AVPI1: variants seen among roughly 807,000 people sequenced by gnomAD.
The protein encoded by AVPI1 is arginine vasopressin induced 1.
In AVPI1, 9 loss-of-function variants were observed where a neutral mutation model predicts 11.9. The observed-to-expected ratio is 0.76, with a 90% CI of 0.46 to 1.32. The LOEUF (loss-of-function observed/expected upper bound fraction) is 1.32. Ranked by LOEUF, AVPI1 falls within the 40% of genes most tolerant of loss-of-function variation. The pLI, the probability that AVPI1 is intolerant of heterozygous loss-of-function variation, is 0.00. For missense variants in AVPI1, 207 were observed against 195.8 expected, an observed-to-expected ratio of 1.06 and a Z score of -0.34; for synonymous variants, 68 against 78.1, an observed-to-expected ratio of 0.87 and a Z score of 0.68.
chr10:97,678,946 T>TCGCC lies in AVPI1; in HGVS notation c.287+672_287+673insGGCG, dbSNP rs1564779873. Among the ~76,000 whole-genome samples, 9 of 43,186 alleles carry TCGCC rather than the reference T, an allele frequency of 2.1e-4. 1 individual carries two copies. The highest frequency in any genetic ancestry group is 2.0e-3 in the Admixed American group (7 of 3,558). The allele number at this position is 43,186 out of a possible 152,430, so 28.3% of individuals were successfully genotyped here. ...GTGTGTGTGTGTGTGTGTGTGTGTG[T>TCGCC]GTGTGTGTGTGTGTGTGTGTGTGTG... On this transcript the variant is annotated intron_variant, in intron 2 of 2. Coordinates refer to ENST00000370626, the MANE Select transcript of AVPI1 (RefSeq NM_021732.3).
rs2041683727 is a variant in AVPI1 at position 97,678,922 on chromosome 10, TGTGTGTGTGTGTGTGTG to T, written c.287+680_287+696del. Among the ~76,000 whole-genome samples the T allele has an allele frequency of 1.2e-3, 20 of 17,278 alleles. 4 individuals carry two copies. The highest frequency in any genetic ancestry group is 7.2e-3 in the East Asian group (7 of 978). 11.3% of individuals were successfully genotyped at this position (17,278 alleles called of 152,430 possible). ...GTGTGTGTGTGTGTGTGTGTGTGTG[TGTGTGTGTGTGTGTGTG>T]TGTGTGTGTGTGTGTGTGTGTGTGT... On this transcript the variant is annotated intron_variant, in intron 2 of 2. Coordinates refer to ENST00000370626, the MANE Select transcript of AVPI1 (RefSeq NM_021732.3).
intron 1 of AVPI1, among the ~76,000 whole-genome samples, chr10:97,681,416 C>G (rs1195850548): frequency 6.6e-6 from 1 of 151,814 alleles, no homozygotes; most frequent in African/African-American, 2.4e-5. Flanking sequence ...AACTCCGTCT[C>G]TACTAAAAAT....
At chr10:97,685,252 A>G (rs2041723133) in intron 1 of AVPI1, among the ~76,000 whole-genome samples, 1 of 152,266 alleles carries the variant, frequency 6.6e-6, no homozygotes, top group Admixed American at 6.5e-5. Context: ...TGAAAATGAC[A>G]AAGTTCAACT....
At chr10:97,684,439 T>G (rs1214109847) in intron 1 of AVPI1, among the ~76,000 whole-genome samples, 1 of 151,368 alleles carries the variant, frequency 6.6e-6, no homozygotes, top group African/African-American at 2.4e-5. Context: ...TCAACCCTCC[T>G]TGAACCTTAG....
chr10:97,678,108 A>G, intron 2 of AVPI1, 83 bp from the exon 3 acceptor site: 1 of 1,447,054 alleles, frequency 6.9e-7, no homozygotes, highest in Non-Finnish European at 9.5e-7. Context: ...ATGGTGGACC[A>G]TAAAACATAT....
chr10:97,683,059 C>T (rs1437454636), intron 1 of AVPI1, among the ~76,000 whole-genome samples: 3 of 152,210 alleles, frequency 2.0e-5, no homozygotes, highest in Admixed American at 2.0e-4. Context: ...ACTGTTATCC[C>T]ATTTCACAGG....
At chr10:97,681,945 A>G (rs112362210) in intron 1 of AVPI1, among the ~76,000 whole-genome samples, 1 of 152,044 alleles carries the variant, frequency 6.6e-6, no homozygotes, top group Non-Finnish European at 1.5e-5. Flanking sequence ...CAATTAAAAA[A>G]TACAAATAAA....
chr10:97,679,684 C>T lies in AVPI1; in HGVS notation c.222G>A (p.Leu74=). ...DHRVAEALKR[L]RRKRPPRQKP... is the part of the protein sequence containing the mutation. ...TCTGCCTTGGGGGCCTCTTCCTGCG[C>T]AGCCTCTTGAGGGCCTCAGCCACAC... is the stretch of plus-strand genomic sequence containing the variant. The change falls in exon 2 of 3, where the codon CTG becomes CTA. Residue 74 remains leucine (L), a synonymous_variant. Transcript: ENST00000370626. 1.9e-6 allele frequency: 3 copies of T among 1,614,152 alleles called. No individual in the cohort carries two copies. Among genetic ancestry groups the T allele is most frequent in the African/African-American group, 1.3e-5 (1 of 75,062 alleles).
intron 2 of AVPI1, among the ~76,000 whole-genome samples, chr10:97,678,541 C>T (rs1212936872): frequency 6.6e-6 from 1 of 152,118 alleles, no homozygotes; most frequent in Non-Finnish European, 1.5e-5. Flanking sequence ...TGGCAGTGGC[C>T]TAGGCAAAGA....
intron 2 of AVPI1, among the ~76,000 whole-genome samples, chr10:97,678,928 T>TTTTCA (rs1397601150): frequency 5.1e-5 from 1 of 19,504 alleles, no homozygotes; most frequent in African/African-American, 1.8e-4. Context: ...TGTGTGTGTG[T>TTTTCA]GTGTGTGTGT....
chr10:97,682,603 TC>T (rs991664592), intron 1 of AVPI1, among the ~76,000 whole-genome samples: 1 of 151,502 alleles, frequency 6.6e-6, no homozygotes, highest in Non-Finnish European at 1.5e-5. Flanking sequence ...AAAATATGAC[TC>T]CCCCCCTTGC....
chr10:97,681,110 C>T (rs2041701003), intron 1 of AVPI1, among the ~76,000 whole-genome samples: 1 of 152,170 alleles, frequency 6.6e-6, no homozygotes, highest in African/African-American at 2.4e-5. Context: ...ACTCTGACAC[C>T]TTAAGCAAGT....
At chr10:97,678,823 G>A (rs925298545) in intron 2 of AVPI1, among the ~76,000 whole-genome samples, 8 of 151,712 alleles carry the variant, frequency 5.3e-5, no homozygotes, top group Admixed American at 1.3e-4. Context: ...GAGTAGCTGG[G>A]ACCGCAGGTG....
chr10:97,679,655 G>A lies in AVPI1; in HGVS notation c.251C>T (p.Pro84Leu), dbSNP rs780298953. Residue 84 changes from proline (P) to leucine (L), a missense_variant, in exon 2 of 3, where the codon CCC becomes CTC. Pro to Leu is a moderately conservative substitution (Grantham distance 98). Coordinates refer to ENST00000370626, the MANE Select transcript of AVPI1 (RefSeq NM_021732.3). ...LRRKRPPRQK[P>L]LGHSLHHCSR... Reference sequence around the variant, plus strand: ...GCAGTGGTGTAGCGAGTGGCCCAGGGGTTTCTGCCTTGGGGGCCTCTTCCT... The same window carrying A: ...GCAGTGGTGTAGCGAGTGGCCCAGGAGTTTCTGCCTTGGGGGCCTCTTCCT... 2 of 1,613,834 alleles carry A rather than the reference G, an allele frequency of 1.2e-6. No individual in the cohort carries two copies. The highest frequency in any genetic ancestry group is 1.7e-6 in the Non-Finnish European group (2 of 1,179,908).
intron 1 of AVPI1, among the ~76,000 whole-genome samples, chr10:97,681,895 A>G (rs2041706507): frequency 2.5e-5 from 2 of 80,678 alleles, no homozygotes; most frequent in Admixed American, 1.4e-4. Context: ...AAAAAAAAAG[A>G]AAAAAAAAAA....
chr10:97,679,271 A>T (rs2041689570), intron 2 of AVPI1, among the ~76,000 whole-genome samples: 1 of 151,092 alleles, frequency 6.6e-6, no homozygotes, highest in Non-Finnish European at 1.5e-5. Context: ...CACCCTGCTG[A>T]GTAGCTGGGA....
chr10:97,684,424 C>T (rs1487338567), intron 1 of AVPI1, among the ~76,000 whole-genome samples: 1 of 151,828 alleles, frequency 6.6e-6, no homozygotes, highest in Non-Finnish European at 1.5e-5. Flanking sequence ...TCTGAGCCTC[C>T]AGCCTCAACC....
rs369289925 is a variant in AVPI1, at chr10:97,683,656, T to C, written c.-11+3110A>G. On this transcript the variant is annotated intron_variant, in intron 1 of 2. Transcript: ENST00000370626. Reference sequence around the variant, plus strand: ...TGTGGAATTTCGTTAGTCTGTTCTCTAGGGTCAGGGCTCTTTCCTGGGTGA... The same window carrying C: ...TGTGGAATTTCGTTAGTCTGTTCTCCAGGGTCAGGGCTCTTTCCTGGGTGA... Among the ~76,000 whole-genome samples, 20 of 152,240 alleles carry C rather than the reference T, an allele frequency of 1.3e-4. 2 individuals are homozygous for C. The highest frequency in any genetic ancestry group is 1.1e-3 in the Admixed American group (17 of 15,288).
intron 1 of AVPI1, among the ~76,000 whole-genome samples, chr10:97,684,212 G>A (rs1447953474): frequency 3.3e-5 from 5 of 152,162 alleles, no homozygotes; most frequent in Admixed American, 3.3e-4. Flanking sequence ...GGCAGGTCTG[G>A]GGTAGTAGGA....
Sources: allele counts gnomAD v4.1 joint callset (sites outside exome capture counted in the v4.1 genomes callset), GRCh38; gene constraint gnomAD v4.1.1; transcripts MANE v1.5; gene names NCBI Gene and HGNC (gene_info 2026-07-23, HGNC 2026-07-21).